SNX6: variants seen among roughly 807,000 people sequenced by gnomAD.
The protein encoded by SNX6 is sorting nexin-6.
A neutral mutation model predicts 63.0 loss-of-function variants in SNX6; 34 were observed. That is an observed-to-expected ratio of 0.54 (90% confidence interval 0.41 to 0.72). The LOEUF is 0.72. SNX6 is among the 30% of genes least tolerant of loss of function. The pLI, the probability that SNX6 is intolerant of heterozygous loss-of-function variation, is 0.00. For synonymous variants in SNX6, 170 were observed against 164.2 expected, an observed-to-expected ratio of 1.04 and a Z score of -0.27; for missense variants, 398 against 471.4, an observed-to-expected ratio of 0.84 and a Z score of 1.44.
chr14:34,563,325 G>A (rs1306485361), intron 13 of SNX6, 150 bp from the exon 14 acceptor site: 9 of 642,620 alleles, frequency 1.4e-5, no homozygotes, highest in South Asian at 3.9e-5. Flanking sequence ...CTGGGAGGCC[G>A]AGGCGGGTGG....
Position 34,567,682 on chromosome 14 carries a change from C to T in SNX6, c.1167+4G>A. The T allele has an allele frequency of 6.2e-7, 1 of 1,606,826 alleles. No homozygotes were observed. ...AAATTATTAAATCTTTATTACAACACTACCTTTGCATGCTTCAGTTCTAAC... is the reference window on the plus strand; with the variant it reads ...AAATTATTAAATCTTTATTACAACATTACCTTTGCATGCTTCAGTTCTAAC... On this transcript the variant is annotated splice_donor_region_variant and intron_variant, in intron 13 of 13. Transcript: ENST00000362031.
At chr14:34,606,962 T>C (rs920345763) in intron 4 of SNX6, among the ~76,000 whole-genome samples, 2 of 150,822 alleles carry the variant, frequency 1.3e-5, no homozygotes, top group African/African-American at 2.4e-5. Flanking sequence ...ATATTTTTAG[T>C]AGAGACGAGG....
intron 2 of SNX6, among the ~76,000 whole-genome samples, chr14:34,620,658 G>A (rs1883587388): frequency 6.6e-6 from 1 of 151,640 alleles, no homozygotes; most frequent in Non-Finnish European, 1.5e-5. Flanking sequence ...ACTGGACATG[G>A]GGCCGGGCAT....
intron 8 of SNX6, among the ~76,000 whole-genome samples, chr14:34,588,489 G>A (rs748262039): frequency 2.0e-5 from 3 of 152,156 alleles, no homozygotes; most frequent in South Asian, 2.1e-4. Context: ...GAGCTCAAGC[G>A]ATCCACCCAC....
intron 6 of SNX6, among the ~76,000 whole-genome samples, chr14:34,598,667 G>C (rs1049844017): frequency 1.3e-5 from 2 of 152,182 alleles, no homozygotes; most frequent in Non-Finnish European, 2.9e-5. Context: ...ACAGGCATGA[G>C]CCATCACGAC....
At chr14:34,567,252 T>A (rs1241258267) in intron 13 of SNX6, among the ~76,000 whole-genome samples, 1 of 151,492 alleles carries the variant, frequency 6.6e-6, no homozygotes, top group Non-Finnish European at 1.5e-5. Context: ...TTTGGGAGGC[T>A]GAGGCAGGAG....
chr14:34,604,196 G>A (rs949650228), intron 5 of SNX6: 7 of 1,288,594 alleles, frequency 5.4e-6, no homozygotes, highest in Admixed American at 2.3e-5. Flanking sequence ...GTCATTCAGT[G>A]AAGACAAAAA....
intron 9 of SNX6, among the ~76,000 whole-genome samples, chr14:34,585,715 C>G (rs1037508777): frequency 6.6e-6 from 1 of 151,078 alleles, no homozygotes; most frequent in Admixed American, 6.6e-5. Flanking sequence ...TGTGCCTCAG[C>G]CTCCCGAGTA....
chr14:34,616,007 G>A (rs1883406061), intron 2 of SNX6, among the ~76,000 whole-genome samples: 1 of 152,190 alleles, frequency 6.6e-6, no homozygotes, highest in African/African-American at 2.4e-5. Flanking sequence ...CCAGGCTGGA[G>A]TGCAGTGGCG....
chr14:34,579,098 C>A (rs992398761), intron 10 of SNX6, among the ~76,000 whole-genome samples: 2 of 151,924 alleles, frequency 1.3e-5, no homozygotes, highest in Non-Finnish European at 2.9e-5. Flanking sequence ...TTGGTACAAT[C>A]ATTATGGGAA....
intron 2 of SNX6, among the ~76,000 whole-genome samples, chr14:34,620,662 C>A (rs931985159): frequency 6.6e-6 from 1 of 150,832 alleles, no homozygotes; most frequent in African/African-American, 2.4e-5. Flanking sequence ...GACATGGGGC[C>A]GGGCATGGTG....
intron 8 of SNX6, among the ~76,000 whole-genome samples, chr14:34,592,721 G>A (rs929195176): frequency 1.3e-5 from 2 of 151,598 alleles, no homozygotes; most frequent in Non-Finnish European, 2.9e-5. Context: ...GCGGCACCAC[G>A]TCTGGCTAAT....
Position 34,581,911 on chromosome 14 carries a change from CTCT to C in SNX6, c.795-314_795-312del, listed in dbSNP as rs1881952985. ...CTGCGCAATCTCAGCTCACTGTAAC[CTCT>C]GCCTCCCGAGTTCAAGCGATTCTCC... On this transcript the variant is annotated intron_variant, in intron 9 of 13. Transcript: ENST00000362031. Among the ~76,000 whole-genome samples, 12 of 152,198 alleles carry C rather than the reference CTCT, an allele frequency of 7.9e-5. No homozygotes were observed. The South Asian group carries it at 2.5e-3, about 32-fold the overall frequency.
rs10630883 is a variant in SNX6, at chr14:34,604,857, CA to C, written c.392+738del. On this transcript the variant is annotated intron_variant, in intron 5 of 13. Coordinates refer to ENST00000362031, the MANE Select transcript of SNX6 (RefSeq NM_152233.4). ...ACCAGTAAGTATAATGCAAATACTC[CA>C]AAAAAAAAAAATTAAAATCCAAAAT... Among the ~76,000 whole-genome samples, 308 of 148,572 alleles carry C rather than the reference CA, an allele frequency of 2.1e-3. 2 individuals are homozygous for C. The highest frequency in any genetic ancestry group is 6.9e-3 in the Middle Eastern group (2 of 288).
intron 2 of SNX6, among the ~76,000 whole-genome samples, chr14:34,621,813 T>C (rs72675236): frequency 0.15 from 23,284 of 152,096 alleles, 1,883 homozygotes; most frequent in East Asian, 0.17. Context: ...TCCACTGCCT[T>C]AGTTCTACCT....
At chr14:34,566,507 C>T (rs368811311) in intron 13 of SNX6, among the ~76,000 whole-genome samples, 79 of 152,304 alleles carry the variant, frequency 5.2e-4, no homozygotes, top group African/African-American at 1.8e-3. Flanking sequence ...AGCCACCGCA[C>T]CCAGCCTAAT....
At chr14:34,596,317 C>T (rs1173089062) in intron 7 of SNX6, among the ~76,000 whole-genome samples, 1 of 151,182 alleles carries the variant, frequency 6.6e-6, no homozygotes, top group Non-Finnish European at 1.5e-5. Flanking sequence ...ATTATTAACC[C>T]TATTTTGAAA....
At position 34,606,240 on chromosome 14, in the gene SNX6, A is replaced by G. The variant is rs1393887031; in HGVS notation, c.271-523T>C. ...GAGACGGTGTCTTGCTCTGTTTCCC[A>G]GGCTGGAGTAGCTGGGATTATAAGC... On this transcript the variant is annotated intron_variant, in intron 4 of 13. Coordinates refer to ENST00000362031, the MANE Select transcript of SNX6 (RefSeq NM_152233.4). Among the ~76,000 whole-genome samples, 7 of 138,610 alleles carry G rather than the reference A, an allele frequency of 5.1e-5. No individual in the cohort carries two copies. The South Asian group carries it at 1.4e-3, about 27-fold the overall frequency. 90.9% of individuals were successfully genotyped at this position (138,610 alleles called of 152,430 possible).
chr14:34,617,607 CAAAAAAAAAAAAA>C (rs34716944), intron 2 of SNX6, among the ~76,000 whole-genome samples: 86 of 66,932 alleles, frequency 1.3e-3, no homozygotes, highest in East Asian at 7.8e-3. Flanking sequence ...GACCCTGTCT[CAAAAAAAAAAAAA>C]AAAAAAAAAA....
Sources: allele counts gnomAD v4.1 joint callset (sites outside exome capture counted in the v4.1 genomes callset), GRCh38; gene constraint gnomAD v4.1.1; transcripts MANE v1.5; gene names NCBI Gene and HGNC (gene_info 2026-07-23, HGNC 2026-07-21).